Variants in CIART observed in about 807,000 individuals in gnomAD.
CIART encodes the protein circadian-associated transcriptional repressor.
Under a neutral mutation model 22.1 loss-of-function variants are expected in CIART, and 7 were observed. That is an observed-to-expected ratio of 0.32 (90% CI 0.18 to 0.59). CIART has a LOEUF of 0.59. Ranked by LOEUF, CIART falls within the 20% of genes least tolerant of loss-of-function variation. The pLI is 0.86. For missense variants in CIART, 440 were observed against 478.0 expected (o/e 0.92, Z 0.74); for synonymous variants, 163 against 174.6 (o/e 0.93, Z 0.53).
rs1274928360 is a variant in CIART, at chr1:150,287,054, A to G, written c.*100A>G. On this transcript the variant is annotated 3_prime_UTR_variant, in exon 5 of 5. Coordinates refer to ENST00000290363, the MANE Select transcript of CIART (RefSeq NM_144697.4). ...ATGTGTGCATTTGTGTTGAGGGAAG[A>G]TAAATCCTTTCTGATTAAAGAAATT... 6 of 1,201,650 alleles carry G rather than the reference A, an allele frequency of 5.0e-6. No individual in the cohort carries two copies. The East Asian group carries it at 1.4e-4, about 29-fold the overall frequency. 74.4% of individuals were successfully genotyped at this position (1,201,650 alleles called of 1,614,324 possible). A position where few individuals can be genotyped will look rare whatever the true frequency, so the allele number is the denominator to read the frequency against.
In CIART at chr1:150,286,445, C is replaced by A; in HGVS notation, c.649C>A (p.His217Asn). 1 of 1,583,202 alleles carries A rather than the reference C, an allele frequency of 6.3e-7. No individual in the cohort carries two copies. Among genetic ancestry groups the A allele is most frequent in the Non-Finnish European group, 8.7e-7 (1 of 1,152,468 alleles). Residue 217 changes from histidine to asparagine, a missense_variant, in exon 5 of 5, where the codon CAC (histidine) becomes AAC (asparagine). Transcript: ENST00000290363. ...CCCTCTCTAGCATTTTCCAAGCCACCACAGTGATTCAGCTGCTTCCTCTCC... is the reference window on the plus strand; with the variant it reads ...CCCTCTCTAGCATTTTCCAAGCCACAACAGTGATTCAGCTGCTTCCTCTCC... ...HQLTKHFPSH[H>N]SDSAASSPAS...
In CIART at chr1:150,283,566, G is replaced by T; in HGVS notation, c.299G>T (p.Gly100Val). Reference sequence around the variant, plus strand: ...TCTGGGGCGAAAAGATCAAGAGATGGTGAACTGGAGACCAGTCTAAACACC... The same window carrying T: ...TCTGGGGCGAAAAGATCAAGAGATGTTGAACTGGAGACCAGTCTAAACACC... Reference protein sequence around the residue: ...AGSGAKRSRDGELETSLNTQG... With the variant: ...AGSGAKRSRDVELETSLNTQG... The change falls in exon 1 of 5, where the codon GGT (glycine) becomes GTT (valine). Residue 100 changes from glycine to valine, a missense_variant. Coordinates refer to ENST00000290363, the MANE Select transcript of CIART (RefSeq NM_144697.4). 1 of 1,614,132 alleles carries T rather than the reference G, an allele frequency of 6.2e-7. No homozygotes were observed. Among genetic ancestry groups the T allele is most frequent in the Non-Finnish European group, 8.5e-7 (1 of 1,179,956 alleles).
At position 150,283,764 on chromosome 1, in the gene CIART, GT is replaced by G. The variant is rs782312659; in HGVS notation, c.367-35del. ...GGAAGAGCCACTGCTGGTGTGGGCA[GT>G]TTTTTGTCTTCTTACAGCCTTTGTC... On this transcript the variant is annotated intron_variant, in intron 1 of 4. Transcript: ENST00000290363. 158 of 1,552,188 alleles carry G rather than the reference GT, an allele frequency of 1.0e-4. 2 individuals are homozygous for G. The South Asian group carries it at 1.7e-3, about 17-fold the overall frequency.
Position 150,283,616 on chromosome 1 carries a change from C to G in CIART, c.349C>G (p.Leu117Val). The G allele has an allele frequency of 1.2e-6, 2 of 1,613,662 alleles. No individual in the cohort carries two copies. The highest frequency in any genetic ancestry group is 1.7e-6 in the Non-Finnish European group (2 of 1,179,678). The change falls in exon 1 of 5, where the codon CTG (leucine) becomes GTG (valine). Residue 117 changes from leucine to valine, a missense_variant. Transcript: ENST00000290363. ...CCAAGGTTGTACCACAGAGGGAGACCTGCTGTTTGCCCAGAAGGTAAGAGA... is the reference window on the plus strand; with the variant it reads ...CCAAGGTTGTACCACAGAGGGAGACGTGCTGTTTGCCCAGAAGGTAAGAGA... ...NTQGCTTEGD[L>V]LFAQKCKELQ...
At position 150,287,084 on chromosome 1, in the gene CIART, T is replaced by TA; in HGVS notation, c.*131dup. ...TCCTTTCTGATTAAAGAAATTTTTT[T>TA]ATACCTAAACAGTTTGCTGATTGGG... is the stretch of plus-strand genomic sequence containing the variant. On this transcript the variant is annotated 3_prime_UTR_variant, in exon 5 of 5. Coordinates refer to ENST00000290363, the MANE Select transcript of CIART (RefSeq NM_144697.4). 1.0e-6 allele frequency: 1 copy of TA among 960,066 alleles called. No homozygotes were observed. The allele number at this position is 960,066 out of a possible 1,614,324, so 59.5% of individuals were successfully genotyped here. A position where few individuals can be genotyped will look rare whatever the true frequency, so the allele number is the denominator to read the frequency against.
chr1:150,286,997 A>T lies in CIART; in HGVS notation c.*43A>T, dbSNP rs868976835. The T allele has an allele frequency of 1.4e-6, 2 of 1,436,302 alleles. No homozygotes were observed. Among genetic ancestry groups the T allele is most frequent in the Non-Finnish European group, 1.9e-6 (2 of 1,064,776 alleles). 89.0% of individuals were successfully genotyped at this position (1,436,302 alleles called of 1,614,324 possible). A position where few individuals can be genotyped will look rare whatever the true frequency, so the allele number is the denominator to read the frequency against. ...TCCACTGTGACTTCTAATTTGTGTA[A>T]ATATTTATGTATATATGTATTTTTA... On this transcript the variant is annotated 3_prime_UTR_variant, in exon 5 of 5. Coordinates refer to ENST00000290363, the MANE Select transcript of CIART (RefSeq NM_144697.4).
chr1:150,284,030 A>T (rs1379896835), intron 2 of CIART, 150 bp downstream of exon 2: 1 of 439,690 alleles, frequency 2.3e-6, no homozygotes, highest in Non-Finnish European at 3.9e-6. Flanking sequence ...TATTATTATT[A>T]TTTTGAGACG....
Position 150,286,864 on chromosome 1 carries a change from C to T in CIART, c.1068C>T (p.Pro356=). 3 of 1,613,138 alleles carry T rather than the reference C, an allele frequency of 1.9e-6. No individual in the cohort carries two copies. In the South Asian group the frequency reaches 3.3e-5, roughly 18 times the overall value. ...ATACCCTATCCCCTCCCAGTCTACC[C>T]ACCTTGGCCAGAAAGATGACCATAG... is the stretch of plus-strand genomic sequence containing the variant. The part of the protein sequence containing the change: ...WSYTLSPPSL[P]TLARKMTIGH... The change falls in exon 5 of 5, where the codon CCC becomes CCT. Residue 356 remains proline, a synonymous_variant. Coordinates refer to ENST00000290363, the MANE Select transcript of CIART (RefSeq NM_144697.4).
rs782648395 is a variant in CIART at position 150,286,995 on chromosome 1, T to C, written c.*41T>C. ...TGTCCACTGTGACTTCTAATTTGTGTAAATATTTATGTATATATGTATTTT... is the reference window on the plus strand; with the variant it reads ...TGTCCACTGTGACTTCTAATTTGTGCAAATATTTATGTATATATGTATTTT... On this transcript the variant is annotated 3_prime_UTR_variant, in exon 5 of 5. Transcript: ENST00000290363. 1 of 1,440,904 alleles carries C rather than the reference T, an allele frequency of 6.9e-7. No homozygotes were observed. Among genetic ancestry groups the C allele is most frequent in the Non-Finnish European group, 9.4e-7 (1 of 1,068,424 alleles). The allele number at this position is 1,440,904 out of a possible 1,614,324, so 89.3% of individuals were successfully genotyped here.
chr1:150,284,748 C>G, intron 4 of CIART, 40 bp downstream of exon 4: 1 of 1,466,570 alleles, frequency 6.8e-7, no homozygotes, highest in Non-Finnish European at 9.5e-7. Flanking sequence ...GGGAAAATAG[C>G]CAAGAAAATG....
chr1:150,284,329 T>A (rs1464163804), intron 2 of CIART, 97 bp from the exon 3 acceptor site: 5 of 1,245,640 alleles, frequency 4.0e-6, no homozygotes, highest in African/African-American at 3.0e-5. Flanking sequence ...CGACTTAATT[T>A]TTTTAGATCA....
chr1:150,284,275 TC>T (rs1194247615), intron 2 of CIART, 150 bp from the exon 3 acceptor site: 10 of 721,752 alleles, frequency 1.4e-5, no homozygotes, highest in South Asian at 1.4e-4. Context: ...CACCTCAGCC[TC>T]CCAAAGTGCT....
chr1:150,283,691 G>T lies in CIART; in HGVS notation c.366+58G>T, dbSNP rs113957787. On this transcript the variant is annotated intron_variant, in intron 1 of 4. Coordinates refer to ENST00000290363, the MANE Select transcript of CIART (RefSeq NM_144697.4). The stretch of plus-strand genomic sequence containing the variant: ...GGAGTGCCTTAGCACCCAGCTGGTT[G>T]ATAAGGACCCTGTGAGGACAGTATT... 876 of 1,585,142 alleles carry T rather than the reference G, an allele frequency of 5.5e-4. 9 individuals are homozygous for T. In the African/African-American group the frequency reaches 9.5e-3, roughly 17 times the overall value.
Position 150,284,625 on chromosome 1 carries a change from G to GT in CIART, c.551dup (p.Glu185ArgfsTer35), listed in dbSNP as rs782218015. On this transcript the variant is annotated frameshift_variant, in exon 4 of 5. Transcript: ENST00000290363. LOFTEE classifies it high-confidence loss of function. ...ACGTTACCTAGGAACCTTGCTACAG[G>GT]TAGAAGGGATGTTAAAGACTTGGTT... 6.2e-7 allele frequency: 1 copy of GT among 1,613,826 alleles called. No individual in the cohort carries two copies. The highest frequency in any genetic ancestry group is 8.5e-7 in the Non-Finnish European group (1 of 1,179,736).
In CIART at chr1:150,283,392, A is replaced by C. The variant is rs782081791; in HGVS notation, c.125A>C (p.His42Pro). ...SDSEREDKGA[H>P]GPRPDTVGQR... ...AGTGAGAGGGAGGACAAGGGGGCCC[A>C]TGGGCCCAGGCCAGACACTGTTGGG... is the stretch of plus-strand genomic sequence containing the variant. The change falls in exon 1 of 5, where the codon CAT (histidine) becomes CCT (proline). Residue 42 changes from histidine to proline, a missense_variant. His to Pro is a moderately conservative substitution (Grantham distance 77, BLOSUM62 -2). Coordinates refer to ENST00000290363, the MANE Select transcript of CIART (RefSeq NM_144697.4). 2 of 1,611,106 alleles carry C rather than the reference A, an allele frequency of 1.2e-6. No individual in the cohort carries two copies. The highest frequency in any genetic ancestry group is 1.1e-5 in the South Asian group (1 of 90,926).
In CIART at chr1:150,283,330, C is replaced by T; in HGVS notation, c.63C>T (p.Thr21=). The T allele has an allele frequency of 3.9e-6, 6 of 1,552,076 alleles. No homozygotes were observed. The highest frequency in any genetic ancestry group is 4.3e-6 in the Non-Finnish European group (5 of 1,151,984). ...SSYSLSSSFP[T]SPVNSDFGFP... is the part of the protein sequence containing the mutation. ...ACTCTCTCTCTTCGTCTTTTCCCAC[C>T]TCCCCAGTGAACAGTGACTTTGGCT... Residue 21 remains threonine, a synonymous_variant, in exon 1 of 5, where the codon ACC becomes ACT. Transcript: ENST00000290363.
rs201718240 is a variant in CIART, at chr1:150,283,390, C to T, written c.123C>T (p.Ala41=). Reference sequence around the variant, plus strand: ...ATAGTGAGAGGGAGGACAAGGGGGCCCATGGGCCCAGGCCAGACACTGTTG... The same window carrying T: ...ATAGTGAGAGGGAGGACAAGGGGGCTCATGGGCCCAGGCCAGACACTGTTG... The part of the protein sequence containing the change: ...PSDSEREDKG[A]HGPRPDTVGQ... The change falls in exon 1 of 5, where the codon GCC becomes GCT. Residue 41 remains alanine (A), a synonymous_variant. Transcript: ENST00000290363. 2.4e-5 allele frequency: 38 copies of T among 1,610,676 alleles called. No individual in the cohort carries two copies. The Admixed American group carries it at 5.7e-4, about 24-fold the overall frequency.
At position 150,287,049 on chromosome 1, in the gene CIART, G is replaced by A; in HGVS notation, c.*95G>A. On this transcript the variant is annotated 3_prime_UTR_variant, in exon 5 of 5. Transcript: ENST00000290363. The stretch of plus-strand genomic sequence containing the variant: ...TATTAATGTGTGCATTTGTGTTGAG[G>A]GAAGATAAATCCTTTCTGATTAAAG... 2 of 1,216,448 alleles carry A rather than the reference G, an allele frequency of 1.6e-6. No individual in the cohort carries two copies. Among genetic ancestry groups the A allele is most frequent in the South Asian group, 2.1e-5 (1 of 47,082 alleles). The allele number at this position is 1,216,448 out of a possible 1,614,324, so 75.4% of individuals were successfully genotyped here. A position where few individuals can be genotyped will look rare whatever the true frequency, so the allele number is the denominator to read the frequency against.
At position 150,286,983 on chromosome 1, in the gene CIART, T is replaced by G. The variant is rs782292470; in HGVS notation, c.*29T>G. 1.0e-5 allele frequency: 15 copies of G among 1,480,186 alleles called. No homozygotes were observed. The highest frequency in any genetic ancestry group is 2.3e-5 in the Admixed American group (1 of 43,990). 91.7% of individuals were successfully genotyped at this position (1,480,186 alleles called of 1,614,324 possible). A position where few individuals can be genotyped will look rare whatever the true frequency, so the allele number is the denominator to read the frequency against. ...AGGGCATACAGCTGTCCACTGTGAC[T>G]TCTAATTTGTGTAAATATTTATGTA... On this transcript the variant is annotated 3_prime_UTR_variant, in exon 5 of 5. Transcript: ENST00000290363.
Sources: gnomAD v4.1 joint callset for allele counts on GRCh38, gnomAD v4.1.1 for gene constraint, MANE v1.5 for transcripts, NCBI Gene and HGNC (gene_info 2026-07-23, HGNC 2026-07-21) for gene names.